Variants in PWWP3B observed in about 807,000 individuals in gnomAD.
The protein encoded by PWWP3B is PWWP domain containing 3B.
In PWWP3B, 5 loss-of-function variants were observed where a neutral mutation model predicts 15.7. That is an observed-to-expected ratio of 0.32 (90% CI 0.17 to 0.67). The LOEUF (loss-of-function observed/expected upper bound fraction) is 0.67. PWWP3B is among the 30% of genes least tolerant of loss of function. The probability of loss-of-function intolerance (pLI) is 0.74; values close to 1 mark genes in which losing one functional copy is unlikely to be tolerated. For missense variants in PWWP3B, 519 were observed against 493.1 expected, an observed-to-expected ratio of 1.05 and a Z score of -0.50; for synonymous variants, 203 against 179.8, an observed-to-expected ratio of 1.13 and a Z score of -1.03.
At chrX:106,181,783 A>G (rs994669058) in intron 2 of PWWP3B, among the ~76,000 whole-genome samples, 1 of 112,021 alleles carries the variant, frequency 8.9e-6, no homozygotes, top group Non-Finnish European at 1.9e-5. Flanking sequence ...GGTCCTCAGT[A>G]GAAGTTGCTA....
chrX:106,171,898 T>A (rs924341188), intron 2 of PWWP3B, among the ~76,000 whole-genome samples: 1 of 110,999 alleles, frequency 9.0e-6, no homozygotes, highest in African/African-American at 3.3e-5. Context: ...CTGGAATACC[T>A]CCTGAAAGAC....
chrX:106,168,658 T>C (rs773522787), intron 1 of PWWP3B, among the ~76,000 whole-genome samples: 2 of 112,387 alleles, frequency 1.8e-5, no homozygotes, highest in Non-Finnish European at 3.8e-5. Flanking sequence ...CAAAAGGCAG[T>C]GGTGGCTGAG....
At chrX:106,170,910 G>C (rs1921580960) in intron 1 of PWWP3B, 102 bp from the exon 2 acceptor site, 1 of 112,001 alleles carries the variant, frequency 8.9e-6, no homozygotes, top group Non-Finnish European at 1.9e-5. Context: ...TCACAGATGA[G>C]ATTTTGCCTC....
intron 2 of PWWP3B, among the ~76,000 whole-genome samples, chrX:106,178,176 C>G (rs73521648): frequency 0.021 from 2,292 of 111,741 alleles, 54 homozygotes; most frequent in African/African-American, 0.071. Context: ...CCCTGCAGCC[C>G]GCTCTTTCAG....
At chrX:106,178,167 C>T (rs941225191) in intron 2 of PWWP3B, among the ~76,000 whole-genome samples, 4 of 111,829 alleles carry the variant, frequency 3.6e-5, no homozygotes, top group African/African-American at 1.3e-4. Context: ...ATGTGTCCTC[C>T]CTGCAGCCCG....
intron 2 of PWWP3B, among the ~76,000 whole-genome samples, chrX:106,199,471 T>A (rs752811725): frequency 4.6e-4 from 52 of 111,863 alleles, no homozygotes; most frequent in Non-Finnish European, 9.2e-4. Context: ...CTTAAAGAGA[T>A]TGGAATGAGG....
At chrX:106,197,236 G>T (rs139062076) in intron 2 of PWWP3B, among the ~76,000 whole-genome samples, 206 of 111,924 alleles carry the variant, frequency 1.8e-3, no homozygotes, top group African/African-American at 6.5e-3. Flanking sequence ...ATTCATGTAA[G>T]AACTGGGTTA....
chrX:106,190,167 A>G (rs1217818081), intron 2 of PWWP3B, among the ~76,000 whole-genome samples: 2 of 111,505 alleles, frequency 1.8e-5, no homozygotes, highest in South Asian at 3.8e-4. Context: ...CCAACAGTGT[A>G]AAAGTGTTCC....
At chrX:106,196,819 T>C (rs1055048217) in intron 2 of PWWP3B, among the ~76,000 whole-genome samples, 8 of 112,174 alleles carry the variant, frequency 7.1e-5, no homozygotes, top group Non-Finnish European at 1.5e-4. Context: ...TTGAAGAGTT[T>C]TTCCTCCTTT....
At chrX:106,191,198 A>G (rs370791240) in intron 2 of PWWP3B, among the ~76,000 whole-genome samples, 1 of 109,435 alleles carries the variant, frequency 9.1e-6, no homozygotes, top group Non-Finnish European at 1.9e-5. Context: ...TCTTCCATTT[A>G]TTTGTGTCCT....
rs1194366177 is a variant in PWWP3B, at chrX:106,204,127, G to C, written c.-258G>C. The stretch of plus-strand genomic sequence containing the variant: ...AGCAGTTGGAGTGAGAATCAAGACA[G>C]CCGGACCACAGGACCAGACCCACCA... On this transcript the variant is annotated 5_prime_UTR_variant, in exon 3 of 4. Transcript: ENST00000357175. 1.8e-5 allele frequency: 2 copies of C among 112,046 alleles called. No individual in the cohort carries two copies. Among genetic ancestry groups the C allele is most frequent in the African/African-American group, 3.2e-5 (1 of 30,848 alleles). 9.2% of individuals were successfully genotyped at this position (112,046 alleles called of 1,213,427 possible). A position where few individuals can be genotyped will look rare whatever the true frequency, so the allele number is the denominator to read the frequency against.
Position 106,190,572 on chromosome X carries a change from G to T in PWWP3B, c.-400-13413G>T, listed in dbSNP as rs1164922652. Among the ~76,000 whole-genome samples the T allele has an allele frequency of 4.5e-5, 5 of 111,375 alleles. No individual in the cohort carries two copies. The East Asian group carries it at 1.4e-3, about 31-fold the overall frequency. On this transcript the variant is annotated intron_variant, in intron 2 of 3. Transcript: ENST00000357175. ...AATTAGATCCCATTTGTCAATTTTG[G>T]CTTTTGTTGCCATTGCTCTTGGTGT...
chrX:106,186,486 TAGAAC>T (rs1922516192), intron 2 of PWWP3B, among the ~76,000 whole-genome samples: 2 of 110,802 alleles, frequency 1.8e-5, no homozygotes, highest in Admixed American at 9.6e-5. Context: ...TAAGGAAAAA[TAGAAC>T]AGAATAGCAA....
chrX:106,198,059 C>T (rs913579946), intron 2 of PWWP3B, among the ~76,000 whole-genome samples: 4 of 112,002 alleles, frequency 3.6e-5, no homozygotes, highest in African/African-American at 6.5e-5. Flanking sequence ...GTTATTACTA[C>T]ATTTTTTCAT....
Position 106,206,487 on chromosome X carries a change from G to T in PWWP3B, c.1055G>T (p.Gly352Val). Residue 352 changes from glycine to valine, a missense_variant, in exon 4 of 4, where the codon GGT becomes GTT. Transcript: ENST00000357175. ...RLDFEELEEE[G>V]QASDKSLLPS... Reference sequence around the variant, plus strand: ...GATTTTGAAGAACTTGAGGAAGAAGGTCAAGCCTCTGACAAGTCATTGCTT... The same window carrying T: ...GATTTTGAAGAACTTGAGGAAGAAGTTCAAGCCTCTGACAAGTCATTGCTT... 1 of 1,208,433 alleles carries T rather than the reference G, an allele frequency of 8.3e-7. No homozygotes were observed. The highest frequency in any genetic ancestry group is 1.1e-6 in the Non-Finnish European group (1 of 893,891).
chrX:106,205,482 CA>C lies in PWWP3B; in HGVS notation c.54del (p.Val19PhefsTer19), dbSNP rs1923939796. The C allele has an allele frequency of 2.5e-6, 3 of 1,191,848 alleles. No homozygotes were observed. Among genetic ancestry groups the C allele is most frequent in the Admixed American group, 2.3e-5 (1 of 43,090 alleles). Reference sequence around the variant, plus strand: ...AACTGGAAAGACCAGTTGTGGCCAGCAAAAGTTTTGTCCAGATCTGAAACTT... The same window carrying C: ...AACTGGAAAGACCAGTTGTGGCCAGCAAAGTTTTGTCCAGATCTGAAACTT... ...LCNWKDQLWPAKVLSRSETSS... is the reference protein window; with the variant it reads ...LCNWKDQLWPXKVLSRSETSS... On this transcript the variant is annotated frameshift_variant, in exon 4 of 4. Coordinates refer to ENST00000357175, the MANE Select transcript of PWWP3B (RefSeq NM_001171020.2). LOFTEE classifies it low-confidence loss of function (END_TRUNC).
intron 2 of PWWP3B, among the ~76,000 whole-genome samples, chrX:106,184,878 T>G (rs766034398): frequency 9.0e-6 from 1 of 110,916 alleles, no homozygotes; most frequent in Non-Finnish European, 1.9e-5. Flanking sequence ...GGGGTTTTTG[T>G]GGTCCCTTGG....
intron 2 of PWWP3B, among the ~76,000 whole-genome samples, chrX:106,195,920 C>T (rs1456117184): frequency 1.8e-5 from 2 of 111,374 alleles, no homozygotes; most frequent in Admixed American, 9.6e-5. Context: ...GTTATTCAGT[C>T]AAAGAACATG....
intron 2 of PWWP3B, among the ~76,000 whole-genome samples, chrX:106,192,215 C>A (rs1172927882): frequency 9.0e-6 from 1 of 111,585 alleles, no homozygotes; most frequent in Non-Finnish European, 1.9e-5. Context: ...GCCTCAATTT[C>A]AGCTCCTGTT....
Sources: allele counts gnomAD v4.1 joint callset (sites outside exome capture counted in the v4.1 genomes callset), GRCh38; gene constraint gnomAD v4.1.1; transcripts MANE v1.5; gene names NCBI Gene and HGNC (gene_info 2026-07-23, HGNC 2026-07-21).